TNRC6A: variants seen among roughly 807,000 people sequenced by gnomAD.
The protein encoded by TNRC6A is trinucleotide repeat containing adaptor 6A.
In TNRC6A, 44 loss-of-function variants were observed where a neutral mutation model predicts 221.2. That is an observed-to-expected ratio of 0.20 (90% CI 0.16 to 0.26). The LOEUF is 0.26. TNRC6A is among the 10% of genes least tolerant of loss of function. The probability of loss-of-function intolerance (pLI) is 1.00; values close to 1 mark genes in which losing one functional copy is unlikely to be tolerated. For synonymous variants in TNRC6A, 847 were observed against 838.5 expected, an observed-to-expected ratio of 1.01 and a Z score of -0.18; for missense variants, 2,199 against 2,404.4, an observed-to-expected ratio of 0.91 and a Z score of 1.79.
At chr16:24,763,599 CATT>C (rs2057409417) in intron 4 of TNRC6A, among the ~76,000 whole-genome samples, 1 of 152,116 alleles carries the variant, frequency 6.6e-6, no homozygotes, top group African/African-American at 2.4e-5. Flanking sequence ...CGTAATAATC[CATT>C]ATTCTAAACT....
intron 2 of TNRC6A, among the ~76,000 whole-genome samples, chr16:24,747,894 T>C (rs911832596): frequency 2.6e-5 from 4 of 152,118 alleles, no homozygotes; most frequent in Non-Finnish European, 5.9e-5. Flanking sequence ...GAGAAAATAC[T>C]CCAGATAGAG....
Position 24,823,720 on chromosome 16 carries a change from C to A in TNRC6A, c.5802C>A (p.Ser1934Arg). The change falls in exon 25 of 25, where the codon AGC becomes AGA. Residue 1934 changes from serine to arginine, a missense_variant. Coordinates refer to ENST00000395799, the MANE Select transcript of TNRC6A (RefSeq NM_014494.4). The surrounding 1 kb of genome is among the most constrained non-coding windows in gnomAD (Gnocchi z 4.3). Reference protein sequence around the residue: ...YSTSLWGPPSSSDPRGISSPS... With the variant: ...YSTSLWGPPSRSDPRGISSPS... Reference sequence around the variant, plus strand: ...CAAGCCTGTGGGGTCCCCCAAGCAGCAGCGACCCCCGAGGAATTAGCAGCC... The same window carrying A: ...CAAGCCTGTGGGGTCCCCCAAGCAGAAGCGACCCCCGAGGAATTAGCAGCC... The A allele has an allele frequency of 6.4e-7, 1 of 1,552,194 alleles. No individual in the cohort carries two copies. Among genetic ancestry groups the A allele is most frequent in the Non-Finnish European group, 8.7e-7 (1 of 1,150,656 alleles).
chr16:24,681,470 C>A (rs1007051740), intron 2 of TNRC6A, among the ~76,000 whole-genome samples: 1 of 151,720 alleles, frequency 6.6e-6, no homozygotes, highest in Non-Finnish European at 1.5e-5. Context: ...TCAAGTGATC[C>A]GCCTGCCTCA....
intron 2 of TNRC6A, among the ~76,000 whole-genome samples, chr16:24,718,388 G>A (rs2056353252): frequency 6.6e-6 from 1 of 152,162 alleles, no homozygotes; most frequent in South Asian, 2.1e-4. Flanking sequence ...GCATTTCAGG[G>A]AAGGCTTACC....
intron 1 of TNRC6A, among the ~76,000 whole-genome samples, chr16:24,626,603 A>G (rs1157556607): frequency 6.7e-6 from 1 of 149,628 alleles, no homozygotes; most frequent in South Asian, 2.1e-4. Flanking sequence ...ACACATTCAC[A>G]TTTATGTAAA....
chr16:24,658,911 C>T (rs145829166), intron 2 of TNRC6A, among the ~76,000 whole-genome samples: 44 of 152,008 alleles, frequency 2.9e-4, no homozygotes, highest in South Asian at 2.1e-3. Flanking sequence ...CTTACTCAAG[C>T]GATCCTCCCA....
At chr16:24,796,380 AAAG>A (rs2058219712) in intron 9 of TNRC6A, 1 of 157,160 alleles carries the variant, frequency 6.4e-6, no homozygotes, top group Non-Finnish European at 1.4e-5. Flanking sequence ...ATTTTAAAAG[AAAG>A]CTAATCAGTG....
chr16:24,689,546 A>T lies in TNRC6A; in HGVS notation n.402+48537A>T, dbSNP rs111642787. 4.1e-3 allele frequency among the ~76,000 whole-genome samples: 628 copies of T among 152,350 alleles called. 5 individuals carry two copies. Among genetic ancestry groups the T allele is most frequent in the African/African-American group, 0.014 (595 of 41,596 alleles). ...TTTAGGAATATTCATTCATTTGCTC[A>T]TTCATTCATTTATTCATTCATTTAT... is the stretch of plus-strand genomic sequence containing the variant. On this transcript the variant is annotated intron_variant and non_coding_transcript_variant, in intron 2 of 2. Transcript: ENST00000566108.
At chr16:24,618,076 T>C (rs1298081757) in intron 1 of TNRC6A, among the ~76,000 whole-genome samples, 1 of 151,782 alleles carries the variant, frequency 6.6e-6, no homozygotes, top group Non-Finnish European at 1.5e-5. Flanking sequence ...TTTTGTGTTT[T>C]TTTATTTGTT....
chr16:24,699,425 A>G (rs1239383461), intron 2 of TNRC6A, among the ~76,000 whole-genome samples: 1 of 152,186 alleles, frequency 6.6e-6, no homozygotes, highest in African/African-American at 2.4e-5. Context: ...GTTGAGTAAA[A>G]TGTGCTCTTA....
intron 2 of TNRC6A, among the ~76,000 whole-genome samples, chr16:24,690,722 C>T (rs2055738022): frequency 6.6e-6 from 1 of 152,040 alleles, no homozygotes; most frequent in African/African-American, 2.4e-5. Context: ...AGGGTAATGC[C>T]TCTTAAATCC....
intron 2 of TNRC6A, among the ~76,000 whole-genome samples, chr16:24,688,141 A>G (rs982645248): frequency 1.3e-5 from 2 of 149,884 alleles, no homozygotes; most frequent in African/African-American, 4.9e-5. Flanking sequence ...GGGTTTTACC[A>G]TGTTAGCCGG....
intron 2 of TNRC6A, among the ~76,000 whole-genome samples, chr16:24,654,583 G>A (rs1902856284): frequency 6.6e-6 from 1 of 152,054 alleles, no homozygotes; most frequent in African/African-American, 2.4e-5. Context: ...GCTAATGTCT[G>A]TGGCATGCAC....
At chr16:24,723,364 C>T (rs534493881) in intron 2 of TNRC6A, among the ~76,000 whole-genome samples, 3 of 152,190 alleles carry the variant, frequency 2.0e-5, no homozygotes, top group African/African-American at 7.2e-5. Context: ...CAGGCTGAGG[C>T]AGGAGGATCA....
At chr16:24,625,738 A>G (rs1437843966) in intron 1 of TNRC6A, among the ~76,000 whole-genome samples, 1 of 40,074 alleles carries the variant, frequency 2.5e-5, no homozygotes, top group Non-Finnish European at 4.8e-5. Flanking sequence ...GTCTCAAAAC[A>G]AAAAAAAAAA....
intron 2 of TNRC6A, among the ~76,000 whole-genome samples, chr16:24,694,322 A>G (rs1230139150): frequency 6.6e-6 from 1 of 151,974 alleles, no homozygotes; most frequent in Non-Finnish European, 1.5e-5. Flanking sequence ...ACCCCAACAC[A>G]TGGACACAAT....
intron 5 of TNRC6A, among the ~76,000 whole-genome samples, chr16:24,784,850 G>T (rs763113772): frequency 6.6e-6 from 1 of 152,152 alleles, no homozygotes; most frequent in Non-Finnish European, 1.5e-5. Flanking sequence ...GAACTCATTT[G>T]CAGAATATAT....
Position 24,758,363 on chromosome 16 carries a change from A to T in TNRC6A, c.163+3A>T. On this transcript the variant is annotated splice_donor_region_variant and intron_variant, in intron 4 of 24. Transcript: ENST00000395799. ...GGCCACTGAACAAAAAATCAAAGGT[A>T]CGTTGTTTAAAGCTATTTTTTATCC... The T allele has an allele frequency of 6.2e-7, 1 of 1,610,348 alleles. No individual in the cohort carries two copies. The highest frequency in any genetic ancestry group is 8.5e-7 in the Non-Finnish European group (1 of 1,177,240).
At chr16:24,762,712 T>C (rs1489002349) in intron 4 of TNRC6A, among the ~76,000 whole-genome samples, 1 of 152,312 alleles carries the variant, frequency 6.6e-6, no homozygotes, top group Non-Finnish European at 1.5e-5. Flanking sequence ...CAGGTGAAAT[T>C]AGGCTAGGAA....
Sources: allele counts gnomAD v4.1 joint callset (sites outside exome capture counted in the v4.1 genomes callset), GRCh38; gene constraint gnomAD v4.1.1; non-coding constraint Gnocchi (gnomAD v3.1); transcripts MANE v1.5; gene names NCBI Gene and HGNC (gene_info 2026-07-23, HGNC 2026-07-21).